The following HTATSF1 variants were observed in gnomAD, a reference collection of about 807,000 sequenced individuals.
HTATSF1 encodes HIV-1 Tat specific factor 1, also known as 17S U2 SnRNP complex component HTATSF1.
A neutral mutation model predicts 46.1 loss-of-function variants in HTATSF1; 6 were observed. The observed-to-expected ratio is 0.13, with a 90% CI of 0.07 to 0.26. The LOEUF is 0.26. HTATSF1 is among the 10% of genes least tolerant of loss of function. The pLI, the probability that HTATSF1 is intolerant of heterozygous loss-of-function variation, is 1.00. For synonymous variants in HTATSF1, 226 were observed against 211.5 expected (o/e 1.07, Z -0.60); for missense variants, 452 against 559.9 (o/e 0.81, Z 1.94).
chrX:136,505,717 G>A (rs781261473), intron 6 of HTATSF1, among the ~76,000 whole-genome samples: 34 of 111,526 alleles, frequency 3.0e-4, no homozygotes, highest in Non-Finnish European at 4.7e-4. Context: ...ACCTGAACCC[G>A]GTAGGCAGAG....
At chrX:136,506,327 T>C (rs2075742045) in intron 6 of HTATSF1, among the ~76,000 whole-genome samples, 1 of 111,884 alleles carries the variant, frequency 8.9e-6, no homozygotes, top group Non-Finnish European at 1.9e-5. Flanking sequence ...AAACATTACT[T>C]TGGAGTTACA....
rs202212155 is a variant in HTATSF1, at chrX:136,511,711, C to T, written c.1966C>T (p.Leu656Phe). The T allele has an allele frequency of 5.0e-6, 6 of 1,208,961 alleles. No individual in the cohort carries two copies. Among genetic ancestry groups the T allele is most frequent in the Non-Finnish European group, 6.7e-6 (6 of 894,637 alleles). The part of the protein sequence containing the change: ...EDEEYADEKG[L>F]EAADKKAEEG... Reference sequence around the variant, plus strand: ...TGAAGAATATGCAGATGAAAAGGGGCTTGAAGCTGCTGATAAAAAGGCGGA... The same window carrying T: ...TGAAGAATATGCAGATGAAAAGGGGTTTGAAGCTGCTGATAAAAAGGCGGA... The change falls in exon 9 of 9, where the codon CTT becomes TTT. Residue 656 changes from leucine to phenylalanine, a missense_variant. Physicochemically the swap from Leu to Phe is conservative, Grantham distance 22. Transcript: ENST00000218364.
At chrX:136,505,293 C>T (rs184720981) in intron 6 of HTATSF1, among the ~76,000 whole-genome samples, 129 of 111,966 alleles carry the variant, frequency 1.2e-3, no homozygotes, top group African/African-American at 3.6e-3. Context: ...CCCTTTTGTG[C>T]ATTTAAACAG....
chrX:136,500,854 C>T (rs372788693), intron 4 of HTATSF1, 36 bp downstream of exon 4: 84 of 958,069 alleles, frequency 8.8e-5, no homozygotes, highest in Non-Finnish European at 1.1e-4. Context: ...CTTGTATCTT[C>T]GTTTTTAACT....
intron 6 of HTATSF1, among the ~76,000 whole-genome samples, chrX:136,506,523 G>A (rs771552390): frequency 3.6e-5 from 4 of 112,100 alleles, no homozygotes; most frequent in Non-Finnish European, 7.5e-5. Context: ...ATGTGATGAA[G>A]AATTGAAAGA....
intron 4 of HTATSF1, among the ~76,000 whole-genome samples, chrX:136,501,098 C>T (rs1260668436): frequency 8.9e-6 from 1 of 112,086 alleles, no homozygotes; most frequent in Non-Finnish European, 1.9e-5. Flanking sequence ...TTGATGTGTA[C>T]AGTCAATTCA....
intron 4 of HTATSF1, 45 bp downstream of exon 4, chrX:136,500,863 C>T: frequency 1.1e-6 from 1 of 906,765 alleles, no homozygotes; most frequent in African/African-American, 2.0e-5. Context: ...TCGTTTTTAA[C>T]TCAGGAACCA....
rs376225777 is a variant in HTATSF1 at position 136,510,171 on chromosome X, T to A, written c.1014T>A (p.Gly338=). 378 of 1,209,645 alleles carry A rather than the reference T, an allele frequency of 3.1e-4. No homozygotes were observed. The highest frequency in any genetic ancestry group is 4.0e-4 in the Non-Finnish European group (359 of 894,804). ...AGACTCTCGATGGAAGATGGTTTGG[T>A]GGCCGTCAAATCACTGCCCAGGCAT... ...CIQTLDGRWF[G]GRQITAQAWD... is the part of the protein sequence containing the mutation. Residue 338 remains glycine (G), a synonymous_variant, in exon 8 of 9, where the codon GGT becomes GGA. Coordinates refer to ENST00000218364, the MANE Select transcript of HTATSF1 (RefSeq NM_014500.5).
chrX:136,506,282 T>C (rs1208092151), intron 6 of HTATSF1, among the ~76,000 whole-genome samples: 1 of 111,899 alleles, frequency 8.9e-6, no homozygotes, highest in Non-Finnish European at 1.9e-5. Context: ...GCTTGCAAAT[T>C]CCTGATTTTT....
chrX:136,497,557 C>T, upstream of HTATSF1: 1 of 479,844 alleles, frequency 2.1e-6, no homozygotes. Flanking sequence ...TGGGGCGCAG[C>T]GGGGAGGCGG....
At chrX:136,498,395 A>G (rs1335203644) in intron 1 of HTATSF1, among the ~76,000 whole-genome samples, 2 of 112,617 alleles carry the variant, frequency 1.8e-5, no homozygotes, top group Admixed American at 9.3e-5. Context: ...ATAAGACTGG[A>G]GATACACAGA....
At chrX:136,508,645 A>G (rs1256165400) in intron 6 of HTATSF1, among the ~76,000 whole-genome samples, 1 of 112,853 alleles carries the variant, frequency 8.9e-6, no homozygotes, top group Non-Finnish European at 1.9e-5. Context: ...ATCTTAGGAC[A>G]CTTAGTCAAT....
chrX:136,504,172 C>T (rs765038681), intron 5 of HTATSF1, among the ~76,000 whole-genome samples, 192 bp from the exon 6 acceptor site: 2 of 112,297 alleles, frequency 1.8e-5, no homozygotes, highest in East Asian at 5.6e-4. Flanking sequence ...CACACGGCCC[C>T]CTGCCCATTA....
chrX:136,501,855 A>G lies in HTATSF1; in HGVS notation c.571-923A>G, dbSNP rs767216694. Among the ~76,000 whole-genome samples, 4 of 111,847 alleles carry G rather than the reference A, an allele frequency of 3.6e-5. No homozygotes were observed. In the East Asian group the frequency reaches 1.1e-3, roughly 31 times the overall value. ...TAATGTTCAAATGTAAGGAGATTTG[A>G]GGGTTTTATAAGTTCTTTAAGGATT... On this transcript the variant is annotated intron_variant, in intron 4 of 8. Transcript: ENST00000218364.
intron 8 of HTATSF1, 87 bp downstream of exon 8, chrX:136,510,306 T>A: frequency 1.3e-6 from 1 of 786,714 alleles, no homozygotes; most frequent in Non-Finnish European, 1.8e-6. Context: ...GGGTTTGGTT[T>A]AACCTATTTA....
chrX:136,500,024 A>G, intron 2 of HTATSF1, 134 bp from the exon 3 acceptor site: 1 of 509,266 alleles, frequency 2.0e-6, no homozygotes, highest in South Asian at 3.0e-5. Context: ...GAGTTAGTTT[A>G]TCTTGGTCTT....
At chrX:136,499,894 C>A in intron 2 of HTATSF1, 116 bp downstream of exon 2, 3 of 578,845 alleles carry the variant, frequency 5.2e-6, no homozygotes, top group Non-Finnish European at 7.9e-6. Context: ...TGAGTTTTTT[C>A]TTTAAGGTAG....
At position 136,500,833 on chromosome X, in the gene HTATSF1, C is replaced by T. The variant is rs1471754954; in HGVS notation, c.570+15C>T. ...GTTATTTGAAAGTAAGTTGTATGAT[C>T]AAATAAGTTTCTTGTATCTTCGTTT... On this transcript the variant is annotated intron_variant, in intron 4 of 8. Coordinates refer to ENST00000218364, the MANE Select transcript of HTATSF1 (RefSeq NM_014500.5). 5.6e-6 allele frequency: 6 copies of T among 1,062,678 alleles called. No individual in the cohort carries two copies. The highest frequency in any genetic ancestry group is 7.4e-6 in the Non-Finnish European group (6 of 810,692). The allele number at this position is 1,062,678 out of a possible 1,213,427, so 87.6% of individuals were successfully genotyped here. A position where few individuals can be genotyped will look rare whatever the true frequency, so the allele number is the denominator to read the frequency against.
Position 136,511,529 on chromosome X carries a change from ATGACTC to A in HTATSF1, c.1788_1793del (p.Asp596_Ser597del). On this transcript the variant is annotated inframe_deletion, in exon 9 of 9. Coordinates refer to ENST00000218364, the MANE Select transcript of HTATSF1 (RefSeq NM_014500.5). ...GTTCTTGACAAAGAGTTAGAAGAAA[ATGACTC>A]TGAAAACTCCGAATTTGAAGATGAC... 1 of 1,210,866 alleles carries A rather than the reference ATGACTC, an allele frequency of 8.3e-7. No individual in the cohort carries two copies. Among genetic ancestry groups the A allele is most frequent in the Non-Finnish European group, 1.1e-6 (1 of 895,195 alleles).
Sources: allele counts gnomAD v4.1 joint callset (sites outside exome capture counted in the v4.1 genomes callset), GRCh38; gene constraint gnomAD v4.1.1; transcripts MANE v1.5; gene names NCBI Gene and HGNC (gene_info 2026-07-23, HGNC 2026-07-21).